The following RAB3C variants were observed in gnomAD, a reference collection of about 807,000 sequenced individuals.
RAB3C encodes RAB3C, member RAS oncogene family, also known as ras-related protein Rab-3C.
In RAB3C, 17 loss-of-function variants were observed where a neutral mutation model predicts 26.4. That is an observed-to-expected ratio of 0.64 (90% CI 0.44 to 0.97). RAB3C has a LOEUF of 0.97. Ranked by LOEUF, RAB3C falls within the 50% of genes least tolerant of loss-of-function variation. The pLI, the probability that RAB3C is intolerant of heterozygous loss-of-function variation, is 0.00. For missense variants in RAB3C, 242 were observed against 281.9 expected, an observed-to-expected ratio of 0.86 and a Z score of 1.01; for synonymous variants, 91 against 95.9, an observed-to-expected ratio of 0.95 and a Z score of 0.30.
At position 58,855,016 on chromosome 5, in the gene RAB3C, T is replaced by C. The variant is rs970689628; in HGVS notation, c.*3665T>C. 1 of 152,206 alleles carries C rather than the reference T, an allele frequency of 6.6e-6. No homozygotes were observed. The highest frequency in any genetic ancestry group is 1.5e-5 in the Non-Finnish European group (1 of 68,042). 9.4% of individuals were successfully genotyped at this position (152,206 alleles called of 1,614,324 possible). On this transcript the variant is annotated 3_prime_UTR_variant, in exon 5 of 5. Coordinates refer to ENST00000282878, the MANE Select transcript of RAB3C (RefSeq NM_138453.4). Reference sequence around the variant, plus strand: ...TTCTTCTTCTCTTTTAAAAGTTAAATACATTCCACTATTAACTGAACTTCC... The same window carrying C: ...TTCTTCTTCTCTTTTAAAAGTTAAACACATTCCACTATTAACTGAACTTCC...
intron 2 of RAB3C, among the ~76,000 whole-genome samples, chr5:58,682,915 G>T (rs1277648289): frequency 6.6e-6 from 1 of 152,110 alleles, no homozygotes; most frequent in African/African-American, 2.4e-5. Context: ...TAACACAAAA[G>T]ACTGTATTAT....
At chr5:58,609,521 C>T (rs965401186) in intron 1 of RAB3C, among the ~76,000 whole-genome samples, 11 of 152,064 alleles carry the variant, frequency 7.2e-5, no homozygotes, top group South Asian at 2.1e-4. Context: ...ATGTAAGACC[C>T]GTGCTGCTGT....
intron 2 of RAB3C, among the ~76,000 whole-genome samples, chr5:58,710,599 AAAATAAATAAATAAATAAAT>A (rs1554048943): frequency 1.4e-4 from 19 of 135,624 alleles, no homozygotes; most frequent in Non-Finnish European, 2.3e-4. Flanking sequence ...ACTCTGTCTC[AAAATAAATAAATAAATAAAT>A]AAATAAATAA....
intron 2 of RAB3C, among the ~76,000 whole-genome samples, chr5:58,698,866 C>T (rs1748776831): frequency 6.6e-6 from 1 of 152,108 alleles, no homozygotes; most frequent in African/African-American, 2.4e-5. Flanking sequence ...GTGATGGGTT[C>T]GAGCATCCTC....
chr5:58,836,862 G>C (rs1743759449), intron 4 of RAB3C, among the ~76,000 whole-genome samples: 2 of 152,138 alleles, frequency 1.3e-5, no homozygotes, highest in Non-Finnish European at 2.9e-5. Flanking sequence ...ATGTCTCTTT[G>C]ATATACTGAT....
chr5:58,813,592 T>TTATATATATATATATATA (rs869039335), intron 3 of RAB3C, among the ~76,000 whole-genome samples: 4 of 47,804 alleles, frequency 8.4e-5, no homozygotes, highest in South Asian at 7.5e-4. Context: ...ATATTTATAT[T>TTATATATATATATATATA]TATATATATA....
intron 3 of RAB3C, among the ~76,000 whole-genome samples, chr5:58,762,468 G>A (rs574520524): frequency 6.6e-6 from 1 of 152,304 alleles, no homozygotes; most frequent in African/African-American, 2.4e-5. Flanking sequence ...CGAGGCAAGT[G>A]GATCACCTGA....
chr5:58,701,782 T>G (rs186010), intron 2 of RAB3C, among the ~76,000 whole-genome samples: 81,499 of 152,010 alleles, frequency 0.54, 22,102 homozygotes, highest in Non-Finnish European at 0.59. Flanking sequence ...TTCTTTTGTT[T>G]TCACCTCTTC....
chr5:58,732,687 G>A (rs1044621888), intron 3 of RAB3C, among the ~76,000 whole-genome samples: 6 of 152,070 alleles, frequency 3.9e-5, no homozygotes, highest in African/African-American at 1.4e-4. Flanking sequence ...TCTAAATGTC[G>A]TTTTCTGCTT....
chr5:58,791,679 A>G (rs1742525040), intron 3 of RAB3C, among the ~76,000 whole-genome samples: 1 of 152,248 alleles, frequency 6.6e-6, no homozygotes, highest in African/African-American at 2.4e-5. Context: ...TTTCATAAAT[A>G]AAGATTTTGT....
chr5:58,672,241 C>T (rs1369962078), intron 2 of RAB3C, among the ~76,000 whole-genome samples: 4 of 152,230 alleles, frequency 2.6e-5, no homozygotes, highest in Admixed American at 1.3e-4. Context: ...ACTGCAGAAA[C>T]GGCACACTAA....
intron 1 of RAB3C, among the ~76,000 whole-genome samples, chr5:58,589,849 A>G (rs1308833586): frequency 6.6e-6 from 1 of 152,186 alleles, no homozygotes; most frequent in Non-Finnish European, 1.5e-5. Context: ...TTGAATTTAG[A>G]GTGTTGTGGC....
At chr5:58,699,173 A>G (rs1220540460) in intron 2 of RAB3C, among the ~76,000 whole-genome samples, 7 of 152,118 alleles carry the variant, frequency 4.6e-5, no homozygotes, top group African/African-American at 1.2e-4. Flanking sequence ...TTTTCCTTAT[A>G]ACAGTCAGGT....
chr5:58,781,620 T>C (rs1742272749), intron 3 of RAB3C, among the ~76,000 whole-genome samples: 1 of 152,120 alleles, frequency 6.6e-6, no homozygotes, highest in African/African-American at 2.4e-5. Context: ...CTTAGATTAC[T>C]CTTTTGTTCA....
intron 2 of RAB3C, among the ~76,000 whole-genome samples, chr5:58,697,050 G>A (rs1025366489): frequency 6.6e-6 from 1 of 152,130 alleles, no homozygotes; most frequent in East Asian, 1.9e-4. Flanking sequence ...GCTGTCTCTT[G>A]TGGGCATTTA....
intron 3 of RAB3C, among the ~76,000 whole-genome samples, chr5:58,747,374 A>G (rs1233604645): frequency 6.6e-6 from 1 of 152,196 alleles, no homozygotes; most frequent in African/African-American, 2.4e-5. Context: ...CAGATGTAAT[A>G]CTGAGTGTCC....
chr5:58,605,815 G>C (rs1465190298), intron 1 of RAB3C, among the ~76,000 whole-genome samples: 1 of 152,178 alleles, frequency 6.6e-6, no homozygotes, highest in African/African-American at 2.4e-5. Context: ...TGAGACAGGA[G>C]TCTCGCTTAC....
At chr5:58,784,897 C>T in intron 3 of RAB3C, 1 of 152,168 alleles carries the variant, frequency 6.6e-6, no homozygotes, top group Non-Finnish European at 1.5e-5. Context: ...GCATTGTCTC[C>T]TTATGGCTTA....
intron 1 of RAB3C, among the ~76,000 whole-genome samples, chr5:58,587,984 G>T (rs1271955339): frequency 6.6e-6 from 1 of 152,054 alleles, no homozygotes; most frequent in Non-Finnish European, 1.5e-5. Flanking sequence ...GGCTTATTTC[G>T]TTCAGCATAA....
Sources: gnomAD v4.1 joint callset for allele counts (sites outside exome capture counted in the v4.1 genomes callset) on GRCh38, gnomAD v4.1.1 for gene constraint, MANE v1.5 for transcripts, NCBI Gene and HGNC (gene_info 2026-07-23, HGNC 2026-07-21) for gene names.